The following PPARD variants were observed in gnomAD, a reference collection of about 807,000 sequenced individuals.
PPARD encodes the protein peroxisome proliferator-activated receptor delta.
A neutral mutation model predicts 39.5 loss-of-function variants in PPARD; 6 were observed. The ratio of observed to expected loss-of-function variants is 0.15; its 90% CI spans 0.08 to 0.30. The LOEUF is 0.30. Among genes scored for constraint, PPARD ranks in the 10% least tolerant of loss-of-function variants. PPARD has a pLI of 1.00. For missense variants in PPARD, 397 were observed against 596.8 expected, an observed-to-expected ratio of 0.67 and a Z score of 3.49; for synonymous variants, 210 against 231.3, an observed-to-expected ratio of 0.91 and a Z score of 0.83.
intron 2 of PPARD, among the ~76,000 whole-genome samples, chr6:35,390,954 T>C (rs534373239): frequency 2.6e-4 from 39 of 152,090 alleles, no homozygotes; most frequent in Non-Finnish European, 4.3e-4. Context: ...CCCAGGAGTT[T>C]GTGGCTGCAG....
In PPARD at chr6:35,412,377, G is replaced by A. The variant is rs540901558; in HGVS notation, c.130+1160G>A. ...TGCTGGGAGTAGACACCCTGCACTC[G>A]CTGCTGCTTTCAGCTGCAGGAGATC... On this transcript the variant is annotated intron_variant, in intron 3 of 7. Transcript: ENST00000360694. The surrounding 1 kb of genome is among the most constrained non-coding windows in gnomAD (Gnocchi z 4.1). Among the ~76,000 whole-genome samples, 5 of 152,152 alleles carry A rather than the reference G, an allele frequency of 3.3e-5. No individual in the cohort carries two copies. The highest frequency in any genetic ancestry group is 7.2e-5 in the African/African-American group (3 of 41,428).
chr6:35,423,850 A>G, intron 5 of PPARD, 96 bp from the exon 6 acceptor site: 2 of 1,254,570 alleles, frequency 1.6e-6, no homozygotes, highest in South Asian at 1.4e-5. Context: ...CTTAGGCTCC[A>G]AAAGGATTTG....
At chr6:35,384,217 G>C (rs1348285924) in intron 2 of PPARD, among the ~76,000 whole-genome samples, 4 of 140,152 alleles carry the variant, frequency 2.9e-5, no homozygotes, top group Admixed American at 6.9e-5. Context: ...GGGAGGTGGG[G>C]GGGTCAGCCC....
intron 2 of PPARD, among the ~76,000 whole-genome samples, chr6:35,394,228 G>A (rs1764181002): frequency 6.6e-6 from 1 of 152,196 alleles, no homozygotes. Flanking sequence ...TGTCGCGGAT[G>A]CGCAGCTCGG....
chr6:35,411,342 C>A, intron 3 of PPARD, 125 bp downstream of exon 3: 1 of 1,227,262 alleles, frequency 8.1e-7, no homozygotes, highest in Non-Finnish European at 1.1e-6. Context: ...GGACTGGAGC[C>A]GGAAGCCTGG....
rs34916659 is a variant in PPARD at position 35,362,446 on chromosome 6, CT to C, written c.-102+15308del. Among the ~76,000 whole-genome samples the C allele has an allele frequency of 1.4e-3, 204 of 144,640 alleles. 2 individuals carry two copies. In the East Asian group the frequency reaches 0.018, roughly 12 times the overall value. The allele number at this position is 144,640 out of a possible 152,430, so 94.9% of individuals were successfully genotyped here. A position where few individuals can be genotyped will look rare whatever the true frequency, so the allele number is the denominator to read the frequency against. On this transcript the variant is annotated intron_variant, in intron 2 of 7. Coordinates refer to ENST00000360694, the MANE Select transcript of PPARD (RefSeq NM_006238.5). ...TGCTCTGCCTACTCACCACTCCTGC[CT>C]TTTTTTTTTTTCCTTCCATACAAAT... is the stretch of plus-strand genomic sequence containing the variant.
chr6:35,345,037 C>T (rs544045325), intron 1 of PPARD, among the ~76,000 whole-genome samples: 1 of 152,290 alleles, frequency 6.6e-6, no homozygotes, highest in Admixed American at 6.5e-5. Flanking sequence ...CTCCTCCTTA[C>T]TCTTTTGAGC....
In PPARD at chr6:35,355,595, C is replaced by CTT. The variant is rs1442980844; in HGVS notation, c.-102+8446_-102+8447dup. ...AAAAAAAAAGTGCTTTCTTCTTCTT[C>CTT]TTCTTTTTTTTTTTTTTTTTTTTTT... On this transcript the variant is annotated intron_variant, in intron 2 of 7. Transcript: ENST00000360694. 1.3e-3 allele frequency among the ~76,000 whole-genome samples: 66 copies of CTT among 50,418 alleles called. No homozygotes were observed. The East Asian group carries it at 0.016, about 12-fold the overall frequency. 33.1% of individuals were successfully genotyped at this position (50,418 alleles called of 152,430 possible). A position where few individuals can be genotyped will look rare whatever the true frequency, so the allele number is the denominator to read the frequency against.
intron 2 of PPARD, among the ~76,000 whole-genome samples, chr6:35,371,134 A>ATTATTACTT: frequency 6.6e-6 from 1 of 152,242 alleles, no homozygotes; most frequent in South Asian, 2.1e-4. Flanking sequence ...ATTGCTTTTT[A>ATTATTACTT]TTATTACTTC....
At chr6:35,348,941 G>A (rs771360199) in intron 2 of PPARD, 1 of 985,342 alleles carries the variant, frequency 1.0e-6, no homozygotes, top group Non-Finnish European at 1.2e-6. Flanking sequence ...GGCAGCAATT[G>A]TACGTGCATT....
At chr6:35,400,758 C>A (rs1475796598) in intron 2 of PPARD, among the ~76,000 whole-genome samples, 3 of 151,698 alleles carry the variant, frequency 2.0e-5, no homozygotes, top group African/African-American at 7.3e-5. Flanking sequence ...TGTGATTGTG[C>A]CACTGCACTC....
Position 35,425,781 on chromosome 6 carries a change from G to A in PPARD, c.1079-51G>A. 3.1e-6 allele frequency: 5 copies of A among 1,598,404 alleles called. No individual in the cohort carries two copies. The East Asian group carries it at 1.1e-4, about 36-fold the overall frequency. ...AAGTCACCTCTTGGGGTGGAAGTAGGGGAGCTCCACTGCCTTTCTGAGCTC... is the reference window on the plus strand; with the variant it reads ...AAGTCACCTCTTGGGGTGGAAGTAGAGGAGCTCCACTGCCTTTCTGAGCTC... On this transcript the variant is annotated intron_variant, in intron 7 of 7. Transcript: ENST00000360694. The surrounding 1 kb of genome is among the most constrained non-coding windows in gnomAD (Gnocchi z 4.5).
At chr6:35,421,725 C>A in intron 4 of PPARD, 95 bp from the exon 5 acceptor site, 1 of 1,322,856 alleles carries the variant, frequency 7.6e-7, no homozygotes, top group Non-Finnish European at 1.0e-6. Flanking sequence ...TTCCAAATGT[C>A]AGGAGTGTTT....
chr6:35,382,470 T>C (rs978460940), intron 2 of PPARD, among the ~76,000 whole-genome samples: 19 of 152,362 alleles, frequency 1.2e-4, no homozygotes, highest in African/African-American at 4.6e-4. Context: ...GTGTTAATTA[T>C]GTGTAAAAAT....
intron 5 of PPARD, among the ~76,000 whole-genome samples, chr6:35,423,054 C>CAAAAA (rs56317397): frequency 2.8e-5 from 2 of 71,686 alleles, no homozygotes; most frequent in Non-Finnish European, 4.8e-5. Context: ...CTCATCTCTA[C>CAAAAA]AAAAAAAAAA....
At chr6:35,343,422 C>T (rs1791977118) in intron 1 of PPARD, among the ~76,000 whole-genome samples, 1 of 152,160 alleles carries the variant, frequency 6.6e-6, no homozygotes, top group Admixed American at 6.6e-5. Context: ...CCCTACATTC[C>T]TGTCGCCCAC....
At chr6:35,404,059 C>T (rs1764868714) in intron 2 of PPARD, among the ~76,000 whole-genome samples, 1 of 152,176 alleles carries the variant, frequency 6.6e-6, no homozygotes, top group East Asian at 1.9e-4. Flanking sequence ...GGCAGCCAGA[C>T]AGAGGATTCA....
At chr6:35,382,224 T>C (rs766429331) in intron 2 of PPARD, among the ~76,000 whole-genome samples, 35 of 152,114 alleles carry the variant, frequency 2.3e-4, no homozygotes, top group Non-Finnish European at 4.7e-4. Context: ...CATTAGGCAA[T>C]TAGAGGCCTG....
At chr6:35,417,458 T>A (rs578074178) in intron 3 of PPARD, among the ~76,000 whole-genome samples, 23 of 151,938 alleles carry the variant, frequency 1.5e-4, no homozygotes, top group Admixed American at 3.9e-4. Flanking sequence ...ACTATTTTTT[T>A]TTTTTTACTT....
Sources: allele counts gnomAD v4.1 joint callset (sites outside exome capture counted in the v4.1 genomes callset), GRCh38; gene constraint gnomAD v4.1.1; non-coding constraint Gnocchi (gnomAD v3.1); transcripts MANE v1.5; gene names NCBI Gene and HGNC (gene_info 2026-07-23, HGNC 2026-07-21).